COL21A1: variants seen among roughly 807,000 people sequenced by gnomAD.
COL21A1 encodes collagen alpha-1(XXI) chain.
Under a neutral mutation model 137.9 loss-of-function variants are expected in COL21A1, and 149 were observed. The ratio of observed to expected loss-of-function variants is 1.08; its 90% CI spans 0.95 to 1.24. COL21A1 has a LOEUF of 1.24. Among genes scored for constraint, COL21A1 ranks in the 50% most tolerant of loss-of-function variants. The pLI is 0.00. For synonymous variants in COL21A1, 456 were observed against 391.5 expected, an observed-to-expected ratio of 1.16 and a Z score of -1.95; for missense variants, 1,167 against 1,158.4, an observed-to-expected ratio of 1.01 and a Z score of -0.11.
chr6:56,225,170 A>G (rs1222187713), intron 1 of COL21A1, among the ~76,000 whole-genome samples: 1 of 152,026 alleles, frequency 6.6e-6, no homozygotes, highest in African/African-American at 2.4e-5. Flanking sequence ...AAGCCTTAAA[A>G]CATTTCATTT....
At chr6:56,362,669 C>T (rs998968940) in intron 1 of COL21A1, among the ~76,000 whole-genome samples, 2 of 152,072 alleles carry the variant, frequency 1.3e-5, no homozygotes, top group Non-Finnish European at 1.5e-5. Context: ...ACTTTCCACA[C>T]GGGCACAACC....
intron 10 of COL21A1, among the ~76,000 whole-genome samples, chr6:56,145,725 A>G (rs1774779004): frequency 6.6e-6 from 1 of 152,078 alleles, no homozygotes; most frequent in Admixed American, 6.5e-5. Flanking sequence ...AGTGGTTAAT[A>G]CTGTTCAACA....
chr6:56,296,034 T>C lies in COL21A1; in HGVS notation c.-39+97937A>G, dbSNP rs909752578. Among the ~76,000 whole-genome samples the C allele has an allele frequency of 6.6e-5, 10 of 151,992 alleles. No homozygotes were observed. In the East Asian group the frequency reaches 1.9e-3, roughly 29 times the overall value. On this transcript the variant is annotated intron_variant, in intron 1 of 28. Transcript: ENST00000370819. Reference sequence around the variant, plus strand: ...CTGATCTTAGTGAGAAAGCATCTAGTTTCTCATCATTAAGTATGATGTTAG... The same window carrying C: ...CTGATCTTAGTGAGAAAGCATCTAGCTTCTCATCATTAAGTATGATGTTAG...
At position 56,326,922 on chromosome 6, in the gene COL21A1, G is replaced by A. The variant is rs75833271; in HGVS notation, c.-39+67049C>T. ...TAAAAGTTACTTCCACTGGATAGCT[G>A]GACTCAATGAAAGGGAAATCTTAAC... On this transcript the variant is annotated intron_variant, in intron 1 of 28. Transcript: ENST00000370819. 2.9e-3 allele frequency among the ~76,000 whole-genome samples: 442 copies of A among 152,016 alleles called. 2 individuals carry two copies. The highest frequency in any genetic ancestry group is 0.01 in the African/African-American group (432 of 41,494).
rs139574104 is a variant in COL21A1 at position 56,354,862 on chromosome 6, A to G, written c.-39+39109T>C. ...GATGGAGTGAGACTTTCACAAATAA[A>G]TAAATGAGATGATATATACAATGGA... On this transcript the variant is annotated intron_variant, in intron 1 of 28. Coordinates refer to the COL21A1 transcript ENST00000370819. Among the ~76,000 whole-genome samples the G allele has an allele frequency of 3.8e-3, 585 of 152,308 alleles. 4 individuals are homozygous for G. Among genetic ancestry groups the G allele is most frequent in the African/African-American group, 0.012 (489 of 41,570 alleles).
At chr6:56,295,675 CTGTT>C in intron 1 of COL21A1, among the ~76,000 whole-genome samples, 1 of 151,504 alleles carries the variant, frequency 6.6e-6, no homozygotes, top group East Asian at 1.9e-4. Context: ...AAATTTATAC[CTGTT>C]TATTTCTTTT....
intron 10 of COL21A1, among the ~76,000 whole-genome samples, chr6:56,154,397 C>A (rs1056815199): frequency 6.6e-6 from 1 of 152,174 alleles, no homozygotes; most frequent in Non-Finnish European, 1.5e-5. Flanking sequence ...ACTTCTGTCT[C>A]CCCCAGTCTT....
Position 56,075,500 on chromosome 6 carries a change from T to C in COL21A1, c.1890A>G (p.Lys630=), listed in dbSNP as rs535551596. Residue 630 remains lysine, a synonymous_variant, in exon 19 of 30, where the codon AAA becomes AAG. Transcript: ENST00000244728. ...GEIGPPGQQG[K]KGAPGMPGLM... ...ATACAGGCATCCCTGGGGCTCCTTT[T>C]TTTCCTTGCTGTCCTGGAGGCCCAA... 8.4e-6 allele frequency: 13 copies of C among 1,538,518 alleles called. No homozygotes were observed. In the South Asian group the frequency reaches 8.7e-5, roughly 10 times the overall value.
intron 24 of COL21A1, among the ~76,000 whole-genome samples, chr6:56,063,028 A>T (rs1262230900): frequency 6.6e-6 from 1 of 152,150 alleles, no homozygotes; most frequent in African/African-American, 2.4e-5. Flanking sequence ...CTGTGTTTAC[A>T]TGAAGAGTTT....
chr6:56,291,518 A>G (rs1002916677), intron 1 of COL21A1, among the ~76,000 whole-genome samples: 4 of 152,362 alleles, frequency 2.6e-5, no homozygotes, highest in Non-Finnish European at 4.4e-5. Context: ...GCAAAAGCTG[A>G]GCACAAAGTA....
intron 17 of COL21A1, among the ~76,000 whole-genome samples, chr6:56,089,821 T>C (rs1183018782): frequency 6.6e-6 from 1 of 152,212 alleles, no homozygotes; most frequent in Admixed American, 6.5e-5. Flanking sequence ...TGCAATTGCA[T>C]TTATTCCTCT....
At chr6:56,205,155 G>C (rs1202941734) in intron 1 of COL21A1, among the ~76,000 whole-genome samples, 1 of 152,116 alleles carries the variant, frequency 6.6e-6, no homozygotes, top group Non-Finnish European at 1.5e-5. Context: ...ACAGAAGTAG[G>C]CTTCAGAAGG....
At chr6:56,073,063 G>C (rs982116682) in intron 20 of COL21A1, among the ~76,000 whole-genome samples, 25 of 150,612 alleles carry the variant, frequency 1.7e-4, no homozygotes, top group Non-Finnish European at 3.3e-4. Flanking sequence ...AGATACAATT[G>C]ACCTTCAACA....
At position 56,111,527 on chromosome 6, in the gene COL21A1, T is replaced by G. The variant is rs146634281; in HGVS notation, c.1759-10002A>C. 4.9e-4 allele frequency among the ~76,000 whole-genome samples: 75 copies of G among 152,284 alleles called. 1 individual carries two copies. The highest frequency in any genetic ancestry group is 9.2e-4 in the Admixed American group (14 of 15,282). ...GTTGGATAAAGGGTATGAGGAATTC[T>G]CTACTATATTTGCAACTTTTCTGCA... On this transcript the variant is annotated intron_variant, in intron 16 of 29. Coordinates refer to ENST00000244728, the MANE Select transcript of COL21A1 (RefSeq NM_030820.4).
At chr6:56,104,692 T>C (rs1770727846) in intron 16 of COL21A1, among the ~76,000 whole-genome samples, 2 of 152,182 alleles carry the variant, frequency 1.3e-5, no homozygotes, top group South Asian at 4.1e-4. Flanking sequence ...GAAAATGTCA[T>C]GCTTAACATT....
intron 1 of COL21A1, among the ~76,000 whole-genome samples, chr6:56,338,002 G>A (rs999785469): frequency 8.3e-5 from 11 of 132,006 alleles, no homozygotes; most frequent in African/African-American, 2.8e-4. Flanking sequence ...TCATTCTGTC[G>A]CCCAGGCTGG....
intron 1 of COL21A1, among the ~76,000 whole-genome samples, chr6:56,352,632 G>A (rs182676706): frequency 3.5e-4 from 53 of 152,194 alleles, no homozygotes; most frequent in Admixed American, 1.1e-3. Context: ...AACTGTAATC[G>A]CCTTCCTTCC....
chr6:56,170,119 A>C (rs1776916340), intron 5 of COL21A1, among the ~76,000 whole-genome samples: 1 of 152,000 alleles, frequency 6.6e-6, no homozygotes, highest in East Asian at 1.9e-4. Context: ...TATGTATTCC[A>C]TTAGGGTAAA....
intron 1 of COL21A1, among the ~76,000 whole-genome samples, chr6:56,260,067 T>C (rs556205432): frequency 6.6e-6 from 1 of 152,258 alleles, no homozygotes; most frequent in East Asian, 1.9e-4. Context: ...ACCACACACA[T>C]AGCATGTTTT....
Sources: allele counts gnomAD v4.1 joint callset (sites outside exome capture counted in the v4.1 genomes callset), GRCh38; gene constraint gnomAD v4.1.1; transcripts MANE v1.5; gene names NCBI Gene and HGNC (gene_info 2026-07-23, HGNC 2026-07-21).